The following KIZ variants were observed in gnomAD, a reference collection of about 807,000 sequenced individuals.
KIZ encodes the protein kizuna centrosomal protein, also known as centrosomal protein kizuna.
KIZ carries 68 observed loss-of-function variants against 79.6 expected under a neutral mutation model. The ratio of observed to expected loss-of-function variants is 0.85; its 90% confidence interval spans 0.70 to 1.05. KIZ has a LOEUF of 1.05. Ranked by LOEUF, KIZ falls within the 50% of genes least tolerant of loss-of-function variation. The pLI, the probability that KIZ is intolerant of heterozygous loss-of-function variation, is 0.00. For missense variants in KIZ, 797 were observed against 800.4 expected (o/e 1.00, Z 0.05); for synonymous variants, 280 against 281.8 (o/e 0.99, Z 0.06).
At chr20:21,232,616 C>T (rs2036870429) in intron 10 of KIZ, 118 bp from the exon 11 acceptor site, 1 of 631,708 alleles carries the variant, frequency 1.6e-6, no homozygotes, top group South Asian at 1.9e-5. Flanking sequence ...GTGGCTTGAA[C>T]AGCATCTTCC....
intron 4 of KIZ, chr20:21,158,805 T>G (rs2033511227): frequency 6.6e-6 from 1 of 151,944 alleles, no homozygotes; most frequent in Non-Finnish European, 1.5e-5. Context: ...TTTCCTAATT[T>G]TTTTTTGAGA....
chr20:21,179,154 C>T (rs1373327281), intron 6 of KIZ, among the ~76,000 whole-genome samples: 2 of 146,090 alleles, frequency 1.4e-5, no homozygotes, highest in Non-Finnish European at 3.0e-5. Context: ...GGCATTAATT[C>T]TTTAAATGTC....
At chr20:21,185,551 A>C (rs969506470) in intron 6 of KIZ, among the ~76,000 whole-genome samples, 2 of 151,242 alleles carry the variant, frequency 1.3e-5, no homozygotes, top group Admixed American at 1.3e-4. Flanking sequence ...CTGGGATTAC[A>C]GGCAGCCACC....
chr20:21,225,623 GTTCA>G (rs1353891335), intron 9 of KIZ, among the ~76,000 whole-genome samples: 20 of 152,146 alleles, frequency 1.3e-4, no homozygotes, highest in African/African-American at 4.8e-4. Flanking sequence ...TCCTTTATTT[GTTCA>G]TTCATTTAAT....
intron 6 of KIZ, among the ~76,000 whole-genome samples, chr20:21,190,773 CA>C (rs2035074516): frequency 6.6e-6 from 1 of 152,158 alleles, no homozygotes; most frequent in African/African-American, 2.4e-5. Flanking sequence ...AAACAAAAAA[CA>C]GAACGTGATA....
At chr20:21,172,998 G>A (rs146849936) in intron 6 of KIZ, among the ~76,000 whole-genome samples, 7 of 152,282 alleles carry the variant, frequency 4.6e-5, no homozygotes, top group Non-Finnish European at 7.4e-5. Flanking sequence ...ACCTGAATCC[G>A]AACAGGTGTT....
Position 21,205,561 on chromosome 20 carries a change from CATG to C in KIZ, c.1426_1428del (p.Asp476del), listed in dbSNP as rs1190202964. 2.0e-6 allele frequency: 3 copies of C among 1,535,200 alleles called. No homozygotes were observed. The highest frequency in any genetic ancestry group is 2.7e-5 in the African/African-American group (2 of 72,858). On this transcript the variant is annotated inframe_deletion, in exon 7 of 13. Transcript: ENST00000619189. ...TCAGCATGTTGCCACCTTGAAAGAA[CATG>C]ATAATTCTGTCAAAGAAGAGGTAGG...
rs534024284 is a variant in KIZ at position 21,227,752 on chromosome 20, C to T, written c.1679-1259C>T. On this transcript the variant is annotated intron_variant, in intron 9 of 12. Transcript: ENST00000619189. ...GACCAGCCTCATCAGGAAACACTTTCGTCCCAGCGACCCCCACACATACAC... is the reference window on the plus strand; with the variant it reads ...GACCAGCCTCATCAGGAAACACTTTTGTCCCAGCGACCCCCACACATACAC... 1.6e-4 allele frequency among the ~76,000 whole-genome samples: 24 copies of T among 152,276 alleles called. No individual in the cohort carries two copies. In the South Asian group the frequency reaches 2.1e-3, roughly 13 times the overall value.
chr20:21,183,653 A>C (rs1457652199), intron 6 of KIZ, among the ~76,000 whole-genome samples: 1 of 152,236 alleles, frequency 6.6e-6, no homozygotes, highest in African/African-American at 2.4e-5. Flanking sequence ...GCATGCTTAC[A>C]ATAAAAATAA....
chr20:21,236,607 T>C (rs1194772540), intron 11 of KIZ, among the ~76,000 whole-genome samples: 1 of 152,128 alleles, frequency 6.6e-6, no homozygotes, highest in Non-Finnish European at 1.5e-5. Flanking sequence ...ACCCTCTGAG[T>C]CTCATTGCCA....
At chr20:21,169,493 A>G (rs915411847) in intron 6 of KIZ, among the ~76,000 whole-genome samples, 10 of 152,334 alleles carry the variant, frequency 6.6e-5, no homozygotes, top group African/African-American at 2.4e-4. Context: ...AGTGTAAACT[A>G]GTTCAACCAT....
intron 3 of KIZ, among the ~76,000 whole-genome samples, chr20:21,140,762 T>G (rs977892362): frequency 2.6e-5 from 4 of 152,134 alleles, no homozygotes; most frequent in African/African-American, 9.7e-5. Flanking sequence ...GAGGATCACT[T>G]GAGGCCAGGA....
chr20:21,175,369 C>T (rs541794441), intron 6 of KIZ, among the ~76,000 whole-genome samples: 21 of 152,312 alleles, frequency 1.4e-4, no homozygotes, highest in African/African-American at 5.1e-4. Flanking sequence ...AGGCAATAAT[C>T]GTAGTCACAG....
At chr20:21,196,416 T>A (rs976798970) in intron 6 of KIZ, 7 of 152,312 alleles carry the variant, frequency 4.6e-5, no homozygotes, top group African/African-American at 1.7e-4. Flanking sequence ...AATTCCTGAT[T>A]GTCTGATGGC....
chr20:21,200,275 C>A (rs981010215), intron 6 of KIZ, among the ~76,000 whole-genome samples: 3 of 152,032 alleles, frequency 2.0e-5, no homozygotes, highest in African/African-American at 7.2e-5. Flanking sequence ...GAGCAGCAGT[C>A]CCTAACCTTT....
intron 7 of KIZ, among the ~76,000 whole-genome samples, chr20:21,206,186 A>G (rs1473069055): frequency 3.3e-5 from 5 of 152,200 alleles, no homozygotes; most frequent in African/African-American, 1.2e-4. Flanking sequence ...GAAATACTTT[A>G]TAGTCATTCA....
chr20:21,201,016 C>G (rs2035575953), intron 6 of KIZ, among the ~76,000 whole-genome samples: 1 of 151,700 alleles, frequency 6.6e-6, no homozygotes, highest in South Asian at 2.1e-4. Flanking sequence ...CCCATCTCTA[C>G]AAAAAAATAC....
intron 3 of KIZ, among the ~76,000 whole-genome samples, chr20:21,144,438 T>C (rs918878425): frequency 1.3e-5 from 2 of 152,200 alleles, no homozygotes; most frequent in African/African-American, 2.4e-5. Context: ...GGAATAGATA[T>C]GGAACAGAGA....
At chr20:21,223,656 TC>T in intron 9 of KIZ, among the ~76,000 whole-genome samples, 1 of 151,054 alleles carries the variant, frequency 6.6e-6, no homozygotes. Context: ...TCCTATTTTC[TC>T]TCTCTCTCTT....
Sources: allele counts gnomAD v4.1 joint callset (sites outside exome capture counted in the v4.1 genomes callset), GRCh38; gene constraint gnomAD v4.1.1; transcripts MANE v1.5; gene names NCBI Gene and HGNC (gene_info 2026-07-23, HGNC 2026-07-21).